Variants in TRIP11 observed in about 807,000 individuals in gnomAD.
TRIP11 encodes thyroid receptor-interacting protein 11.
A neutral mutation model predicts 223.1 loss-of-function variants in TRIP11; 148 were observed. That is an observed-to-expected ratio of 0.66 (90% CI 0.58 to 0.76). The LOEUF is 0.76. Ranked by LOEUF, TRIP11 falls within the 30% of genes least tolerant of loss-of-function variation. TRIP11 has a pLI of 0.00. For missense variants in TRIP11, 2,043 were observed against 2,222.0 expected (o/e 0.92, Z 1.62); for synonymous variants, 762 against 772.6 (o/e 0.99, Z 0.23).
In TRIP11 at chr14:92,030,203, CAAAAAAAAAAAAA is replaced by C. The variant is rs55828319; in HGVS notation, c.201+2976_201+2988del. Among the ~76,000 whole-genome samples the C allele has an allele frequency of 1.1e-3, 73 of 67,094 alleles. 2 individuals carry two copies. The highest frequency in any genetic ancestry group is 3.9e-3 in the African/African-American group (64 of 16,562). The allele number at this position is 67,094 out of a possible 152,430, so 44.0% of individuals were successfully genotyped here. A position where few individuals can be genotyped will look rare whatever the true frequency, so the allele number is the denominator to read the frequency against. On this transcript the variant is annotated intron_variant, in intron 2 of 20. Coordinates refer to ENST00000267622, the MANE Select transcript of TRIP11 (RefSeq NM_004239.4). Reference sequence around the variant, plus strand: ...TGGGCGACAGAGCGAGACTCCGTCTCAAAAAAAAAAAAAAAAAAAAAAGAATTGATGAGTGAAT... The same window carrying C: ...TGGGCGACAGAGCGAGACTCCGTCTCAAAAAAAAAGAATTGATGAGTGAAT...
chr14:92,020,377 AG>A (rs1214583326), intron 4 of TRIP11, among the ~76,000 whole-genome samples: 4 of 152,318 alleles, frequency 2.6e-5, no homozygotes, highest in East Asian at 3.9e-4. Flanking sequence ...AAGACAAAAA[AG>A]GGCTCCTTGG....
chr14:92,008,336 T>TA (rs1458164368), intron 9 of TRIP11, among the ~76,000 whole-genome samples: 1 of 152,216 alleles, frequency 6.6e-6, no homozygotes, highest in Non-Finnish European at 1.5e-5. Context: ...CCCAAATGTT[T>TA]AGCCTCTCTA....
intron 2 of TRIP11, among the ~76,000 whole-genome samples, chr14:92,025,927 C>T (rs1159905808): frequency 6.7e-6 from 1 of 150,180 alleles, no homozygotes; most frequent in Admixed American, 6.6e-5. Context: ...ACAGAATATG[C>T]ATAATTCTAA....
chr14:92,033,632 G>A (rs1444582301), intron 1 of TRIP11, among the ~76,000 whole-genome samples: 1 of 152,128 alleles, frequency 6.6e-6, no homozygotes, highest in African/African-American at 2.4e-5. Flanking sequence ...CTAACTGTAA[G>A]AATTAAAGAA....
intron 18 of TRIP11, 131 bp from the exon 19 acceptor site, chr14:91,974,874 A>G: frequency 2.6e-6 from 2 of 780,260 alleles, no homozygotes; most frequent in South Asian, 3.4e-5. Flanking sequence ...AATGTTTCCT[A>G]CTGATAGAGT....
At chr14:91,996,865 GTAGATA>G (rs888880226) in intron 13 of TRIP11, among the ~76,000 whole-genome samples, 4 of 152,124 alleles carry the variant, frequency 2.6e-5, no homozygotes, top group African/African-American at 9.7e-5. Flanking sequence ...GTCCTAAGAG[GTAGATA>G]TAGATAAAGC....
intron 4 of TRIP11, among the ~76,000 whole-genome samples, chr14:92,020,003 G>A (rs1180946055): frequency 1.3e-5 from 2 of 152,120 alleles, no homozygotes; most frequent in Non-Finnish European, 2.9e-5. Context: ...AGTGGCTCAT[G>A]TCTGTAATCC....
At chr14:92,013,859 G>C (rs1183228570) in intron 7 of TRIP11, among the ~76,000 whole-genome samples, 1 of 152,138 alleles carries the variant, frequency 6.6e-6, no homozygotes, top group African/African-American at 2.4e-5. Context: ...CATAGAAAAT[G>C]GTGGAAGACC....
In TRIP11 at chr14:92,037,276, T is replaced by C. The variant is rs2057334625; in HGVS notation, c.139+2271A>G. 6.6e-6 allele frequency among the ~76,000 whole-genome samples: 1 copy of C among 152,144 alleles called. No homozygotes were observed. The highest frequency in any genetic ancestry group is 2.4e-5 in the African/African-American group (1 of 41,398). ...AACAGATAAATTATAACTCAACATGTTAAATGCTGTCAGGGAGAGATCCAC... is the reference window on the plus strand; with the variant it reads ...AACAGATAAATTATAACTCAACATGCTAAATGCTGTCAGGGAGAGATCCAC... On this transcript the variant is annotated intron_variant, in intron 1 of 20. Transcript: ENST00000267622. The surrounding 1 kb of genome is among the most constrained non-coding windows in gnomAD (Gnocchi z 4.2).
intron 19 of TRIP11, among the ~76,000 whole-genome samples, chr14:91,974,081 T>C (rs1033705715): frequency 2.0e-5 from 3 of 152,264 alleles, no homozygotes; most frequent in African/African-American, 7.2e-5. Context: ...TTCTAACTGA[T>C]ACTACTACTC....
At chr14:92,036,195 G>A (rs967848389) in intron 1 of TRIP11, among the ~76,000 whole-genome samples, 1 of 152,178 alleles carries the variant, frequency 6.6e-6, no homozygotes, top group East Asian at 1.9e-4. Context: ...CTATTTTAAA[G>A]AGGGATTTTA....
At chr14:91,983,978 A>T (rs1258935366) in intron 16 of TRIP11, among the ~76,000 whole-genome samples, 1 of 152,228 alleles carries the variant, frequency 6.6e-6, no homozygotes, top group Admixed American at 6.5e-5. Context: ...GCTTCATATT[A>T]CAGTAAGTTT....
chr14:92,009,859 G>A (rs996138241), intron 9 of TRIP11, among the ~76,000 whole-genome samples: 1 of 152,152 alleles, frequency 6.6e-6, no homozygotes, highest in Admixed American at 6.5e-5. Flanking sequence ...ACATAGTCCA[G>A]AAAGAAACAC....
intron 14 of TRIP11, among the ~76,000 whole-genome samples, chr14:91,994,152 A>C (rs1349579073): frequency 6.6e-6 from 1 of 152,020 alleles, no homozygotes; most frequent in African/African-American, 2.4e-5. Flanking sequence ...ACTCTTCTCA[A>C]ATATTTCCTC....
intron 4 of TRIP11, among the ~76,000 whole-genome samples, chr14:92,021,296 G>A (rs551658703): frequency 7.3e-5 from 11 of 151,296 alleles, no homozygotes; most frequent in African/African-American, 2.7e-4. Flanking sequence ...GGCTGAGGCA[G>A]GAGAATCACT....
rs187353969 is a variant in TRIP11, at chr14:91,981,179, C to T, written c.5261-4990G>A. On this transcript the variant is annotated intron_variant, in intron 16 of 20. Transcript: ENST00000267622. ...AACAAGCGCCTGCCACCACGCCTGG[C>T]TAATTTTTGTATTTTTAGTAGAGAC... 8.8e-3 allele frequency among the ~76,000 whole-genome samples: 1,332 copies of T among 150,914 alleles called. 11 individuals carry two copies. The highest frequency in any genetic ancestry group is 0.012 in the Non-Finnish European group (807 of 67,718).
intron 13 of TRIP11, among the ~76,000 whole-genome samples, chr14:91,998,057 T>C (rs1254903876): frequency 6.6e-6 from 1 of 152,194 alleles, no homozygotes; most frequent in Non-Finnish European, 1.5e-5. Context: ...TAATATACTC[T>C]GCAAAGGTGG....
chr14:91,994,088 T>C (rs924943996), intron 14 of TRIP11, among the ~76,000 whole-genome samples, 176 bp from the exon 15 acceptor site: 3 of 152,186 alleles, frequency 2.0e-5, no homozygotes, highest in Non-Finnish European at 4.4e-5. Context: ...CACTTTCCTC[T>C]GCCTAAACAC....
In TRIP11 at chr14:91,969,597, A is replaced by G; in HGVS notation, c.*76T>C. The G allele has an allele frequency of 7.0e-7, 1 of 1,434,340 alleles. No individual in the cohort carries two copies. Among genetic ancestry groups the G allele is most frequent in the Non-Finnish European group, 9.8e-7 (1 of 1,019,118 alleles). 88.9% of individuals were successfully genotyped at this position (1,434,340 alleles called of 1,614,324 possible). A position where few individuals can be genotyped will look rare whatever the true frequency, so the allele number is the denominator to read the frequency against. On this transcript the variant is annotated 3_prime_UTR_variant, in exon 21 of 21. Transcript: ENST00000267622. ...ATACATGACTTTCTCCCCAAAGGCC[A>G]CTTTGTGATAAAGTACATACATATA...
Sources: gnomAD v4.1 joint callset for allele counts (sites outside exome capture counted in the v4.1 genomes callset) on GRCh38, gnomAD v4.1.1 for gene constraint, Gnocchi (gnomAD v3.1) non-coding constraint, MANE v1.5 for transcripts, NCBI Gene and HGNC (gene_info 2026-07-23, HGNC 2026-07-21) for gene names.